TRIM59: variants seen among roughly 807,000 people sequenced by gnomAD.
TRIM59 encodes tripartite motif containing 59, also known as tripartite motif-containing protein 59.
In TRIM59, 14 loss-of-function variants were observed where a neutral mutation model predicts 32.2. The observed-to-expected ratio is 0.43, with a 90% CI of 0.29 to 0.68. The LOEUF (loss-of-function observed/expected upper bound fraction) is 0.68, where lower values mean the gene tolerates loss of function less well. Ranked by LOEUF, TRIM59 falls within the 30% of genes least tolerant of loss-of-function variation. TRIM59 has a pLI of 0.15. For synonymous variants in TRIM59, 163 were observed against 155.1 expected (o/e 1.05, Z -0.38); for missense variants, 471 against 463.3 (o/e 1.02, Z -0.15).
rs773063626 is a variant in TRIM59, at chr3:160,438,626, G to C, written c.558C>G (p.Leu186=). 1 of 1,612,278 alleles carries C rather than the reference G, an allele frequency of 6.2e-7. No individual in the cohort carries two copies. Residue 186 remains leucine, a synonymous_variant, in exon 3 of 3, where the codon CTC becomes CTG. Coordinates refer to ENST00000309784, the MANE Select transcript of TRIM59 (RefSeq NM_173084.3). ...KMIQGDKEAV[L]QYFKELNDTL... ...TATCATTAAGCTCCTTAAAATACTGGAGAACAGCTTCCTTATCGCCTTGGA... is the reference window on the plus strand; with the variant it reads ...TATCATTAAGCTCCTTAAAATACTGCAGAACAGCTTCCTTATCGCCTTGGA...
chr3:160,442,535 G>C (rs1719308685), intron 2 of TRIM59, among the ~76,000 whole-genome samples: 1 of 151,104 alleles, frequency 6.6e-6, no homozygotes, highest in Non-Finnish European at 1.5e-5. Flanking sequence ...GGGCAACAGA[G>C]CAAGACTCTG....
At chr3:160,442,090 A>T (rs1215803194) in intron 2 of TRIM59, among the ~76,000 whole-genome samples, 1 of 152,262 alleles carries the variant, frequency 6.6e-6, no homozygotes, top group Non-Finnish European at 1.5e-5. Flanking sequence ...AACACTTTGT[A>T]GGAAATAAAA....
At position 160,438,422 on chromosome 3, in the gene TRIM59, A is replaced by C. The variant is rs757127760; in HGVS notation, c.762T>G (p.Val254=). 9.3e-6 allele frequency: 15 copies of C among 1,614,024 alleles called. No homozygotes were observed. In the East Asian group the frequency reaches 3.3e-4, roughly 36 times the overall value. The change falls in exon 3 of 3, where the codon GTT becomes GTG. Residue 254 remains valine (V), a synonymous_variant. Coordinates refer to ENST00000309784, the MANE Select transcript of TRIM59 (RefSeq NM_173084.3). ...EESPLKFLEK[V]DDVRQHVQIL... is the part of the protein sequence containing the mutation. ...TCTGTACATGCTGGCGTACATCATC[A>C]ACTTTTTCAAGAAATTTAAGTGGAG...
In TRIM59 at chr3:160,449,739, C is replaced by T. The variant is rs577317775; in HGVS notation, c.-96G>A. On this transcript the variant is annotated 5_prime_UTR_variant, in exon 1 of 3. Coordinates refer to ENST00000309784, the MANE Select transcript of TRIM59 (RefSeq NM_173084.3). ...CACCGCGGGGAGGAAGCGGACCAGG[C>T]AACTCCACAGCACGGAAACACAGCG... 2.3e-6 allele frequency: 3 copies of T among 1,289,668 alleles called. No individual in the cohort carries two copies. Among genetic ancestry groups the T allele is most frequent in the African/African-American group, 3.0e-5 (2 of 65,866 alleles). The allele number at this position is 1,289,668 out of a possible 1,614,324, so 79.9% of individuals were successfully genotyped here.
intron 2 of TRIM59, among the ~76,000 whole-genome samples, chr3:160,445,570 T>C (rs113467228): frequency 0.081 from 12,295 of 151,788 alleles, 671 homozygotes; most frequent in African/African-American, 0.15. Context: ...AGTCAGGAGT[T>C]CAAGACCAGC....
chr3:160,448,654 T>G, intron 2 of TRIM59, 72 bp downstream of exon 2: 1 of 879,186 alleles, frequency 1.1e-6, no homozygotes, highest in South Asian at 1.5e-5. Flanking sequence ...AATTTCACTT[T>G]GTAGTTTAAA....
At chr3:160,448,891 C>G in intron 1 of TRIM59, 96 bp from the exon 2 acceptor site, 1 of 609,394 alleles carries the variant, frequency 1.6e-6, no homozygotes, top group Non-Finnish European at 2.5e-6. Flanking sequence ...TTTATCTTCA[C>G]GATGCTTCAT....
At chr3:160,448,553 T>C (rs1719653393) in intron 2 of TRIM59, among the ~76,000 whole-genome samples, 173 bp downstream of exon 2, 1 of 152,054 alleles carries the variant, frequency 6.6e-6, no homozygotes, top group South Asian at 2.1e-4. Flanking sequence ...GAGAAGGGAG[T>C]TGTTTATTTT....
chr3:160,448,287 A>G (rs80063234), intron 2 of TRIM59, among the ~76,000 whole-genome samples: 4,048 of 152,334 alleles, frequency 0.027, 97 homozygotes, highest in Non-Finnish European at 0.039. Flanking sequence ...GTGAAAGGCA[A>G]TGTCAAAACT....
At chr3:160,440,304 A>G (rs1577013815) in intron 2 of TRIM59, among the ~76,000 whole-genome samples, 1 of 152,352 alleles carries the variant, frequency 6.6e-6, no homozygotes, top group South Asian at 2.1e-4. Flanking sequence ...ACTAAATGGT[A>G]AAGAACAAAA....
Position 160,438,854 on chromosome 3 carries a change from TAGAC to T in TRIM59, c.326_329del (p.Cys109TyrfsTer2), listed in dbSNP as rs778609029. 38 of 1,613,942 alleles carry T rather than the reference TAGAC, an allele frequency of 2.4e-5. No homozygotes were observed. Among genetic ancestry groups the T allele is most frequent in the African/African-American group, 2.1e-4 (16 of 74,930 alleles). ...GACCACAAACTAATTTTTTATCTAATAGACAGTAAACATTTAATGGTTGCCTGTA... is the reference window on the plus strand; with the variant it reads ...GACCACAAACTAATTTTTTATCTAATAGTAAACATTTAATGGTTGCCTGTA... On this transcript the variant is annotated frameshift_variant, in exon 3 of 3. Transcript: ENST00000309784. LOFTEE classifies it high-confidence loss of function.
In TRIM59 at chr3:160,438,793, T is replaced by G; in HGVS notation, c.391A>C (p.Ile131Leu). Residue 131 changes from isoleucine to leucine, a missense_variant, in exon 3 of 3, where the codon ATA becomes CTA. By Grantham distance (5) the Ile-to-Leu change is conservative. Coordinates refer to ENST00000309784, the MANE Select transcript of TRIM59 (RefSeq NM_173084.3). ...AAATAGGCACTTTGAAGGTCATCTA[T>G]AGGATGACCATGATGTTGACCTATG... Reference protein sequence around the residue: ...LTIGQHHGHPIDDLQSAYLKE... With the variant: ...LTIGQHHGHPLDDLQSAYLKE... 6.2e-7 allele frequency: 1 copy of G among 1,613,300 alleles called. No individual in the cohort carries two copies. Among genetic ancestry groups the G allele is most frequent in the Non-Finnish European group, 8.5e-7 (1 of 1,179,282 alleles).
chr3:160,438,242 A>G lies in TRIM59; in HGVS notation c.942T>C (p.Cys314=), dbSNP rs770513240. Residue 314 remains cysteine, a synonymous_variant, in exon 3 of 3, where the codon TGT becomes TGC. Coordinates refer to ENST00000309784, the MANE Select transcript of TRIM59 (RefSeq NM_173084.3). Reference sequence around the variant, plus strand: ...CCTTTTCATCCTTACCAGGCCAGGAACATGACATCCTTTTTGGAGAAATTT... The same window carrying G: ...CCTTTTCATCCTTACCAGGCCAGGAGCATGACATCCTTTTTGGAGAAATTT... ...KMKISPKRMS[C]SWPGKDEKEV... 9 of 1,613,922 alleles carry G rather than the reference A, an allele frequency of 5.6e-6. No individual in the cohort carries two copies. In the South Asian group the frequency reaches 7.7e-5, roughly 14 times the overall value.
At position 160,436,592 on chromosome 3, in the gene TRIM59, A is replaced by T; in HGVS notation, c.*1380T>A. ...GGCGAGTGGATCATGAGGTCAGGAG[A>T]TAGAGACCATCCTGGCTAACACAGT... On this transcript the variant is annotated 3_prime_UTR_variant, in exon 3 of 3. Transcript: ENST00000309784. The T allele has an allele frequency of 1.2e-6, 1 of 855,688 alleles. No individual in the cohort carries two copies. Among genetic ancestry groups the T allele is most frequent in the Non-Finnish European group, 1.4e-6 (1 of 711,278 alleles). The allele number at this position is 855,688 out of a possible 1,614,324, so 53.0% of individuals were successfully genotyped here.
In TRIM59 at chr3:160,437,822, AT is replaced by A. The variant is rs1719055524; in HGVS notation, c.*149del. 7.8e-7 allele frequency: 1 copy of A among 1,278,540 alleles called. No individual in the cohort carries two copies. Among genetic ancestry groups the A allele is most frequent in the African/African-American group, 1.5e-5 (1 of 64,902 alleles). 79.2% of individuals were successfully genotyped at this position (1,278,540 alleles called of 1,614,324 possible). A position where few individuals can be genotyped will look rare whatever the true frequency, so the allele number is the denominator to read the frequency against. On this transcript the variant is annotated 3_prime_UTR_variant, in exon 3 of 3. Coordinates refer to ENST00000309784, the MANE Select transcript of TRIM59 (RefSeq NM_173084.3). The stretch of plus-strand genomic sequence containing the variant: ...ATTTCAGATATAACTTTGACATATC[AT>A]TGCTAACCAAAAGAAGCAACAAATA...
Position 160,437,018 on chromosome 3 carries a change from CT to C in TRIM59, c.*953del. 1.0e-6 allele frequency: 1 copy of C among 985,062 alleles called. No homozygotes were observed. 61.0% of individuals were successfully genotyped at this position (985,062 alleles called of 1,614,324 possible). On this transcript the variant is annotated 3_prime_UTR_variant, in exon 3 of 3. Transcript: ENST00000309784. ...ACTGACGAGCAGAAAAAAAAACAATCTTAAATTTGCACAAACTATAGAATAT... is the reference window on the plus strand; with the variant it reads ...ACTGACGAGCAGAAAAAAAAACAATCTAAATTTGCACAAACTATAGAATAT...
chr3:160,436,931 A>T lies in TRIM59; in HGVS notation c.*1041T>A, dbSNP rs550790432. Reference sequence around the variant, plus strand: ...ATGATGCCATCAAAACCTGTTGCAGACCAAGTTACCAACATGATTCTGTTC... The same window carrying T: ...ATGATGCCATCAAAACCTGTTGCAGTCCAAGTTACCAACATGATTCTGTTC... On this transcript the variant is annotated 3_prime_UTR_variant, in exon 3 of 3. Transcript: ENST00000309784. The T allele has an allele frequency of 2.5e-5, 25 of 985,346 alleles. No individual in the cohort carries two copies. The highest frequency in any genetic ancestry group is 3.0e-5 in the Non-Finnish European group (25 of 829,918). 61.0% of individuals were successfully genotyped at this position (985,346 alleles called of 1,614,324 possible).
chr3:160,437,677 T>C lies in TRIM59; in HGVS notation c.*295A>G, dbSNP rs1403370777. 1.9e-6 allele frequency: 2 copies of C among 1,045,234 alleles called. No homozygotes were observed. Among genetic ancestry groups the C allele is most frequent in the Non-Finnish European group, 2.3e-6 (2 of 869,908 alleles). 64.7% of individuals were successfully genotyped at this position (1,045,234 alleles called of 1,614,324 possible). The stretch of plus-strand genomic sequence containing the variant: ...ATATAATAATGGTAAAAGACAATAT[T>C]GGTACAAGAATGTTTAAATGTCACA... On this transcript the variant is annotated 3_prime_UTR_variant, in exon 3 of 3. Coordinates refer to ENST00000309784, the MANE Select transcript of TRIM59 (RefSeq NM_173084.3).
At chr3:160,445,477 T>C (rs1719480052) in intron 2 of TRIM59, among the ~76,000 whole-genome samples, 1 of 151,418 alleles carries the variant, frequency 6.6e-6, no homozygotes, top group Admixed American at 6.6e-5. Flanking sequence ...CTAGAAAACT[T>C]AAATTGCTAG....
Sources: gnomAD v4.1 joint callset for allele counts (sites outside exome capture counted in the v4.1 genomes callset) on GRCh38, gnomAD v4.1.1 for gene constraint, MANE v1.5 for transcripts, NCBI Gene and HGNC (gene_info 2026-07-23, HGNC 2026-07-21) for gene names.